PRDM6: variants seen among roughly 807,000 people sequenced by gnomAD.
The protein encoded by PRDM6 is putative histone-lysine N-methyltransferase PRDM6.
In PRDM6, 25 loss-of-function variants were observed where a neutral mutation model predicts 60.8. The ratio of observed to expected loss-of-function variants is 0.41; its 90% CI spans 0.30 to 0.57. The LOEUF (loss-of-function observed/expected upper bound fraction) is 0.57, where lower values mean the gene tolerates loss of function less well. Among genes scored for constraint, PRDM6 ranks in the 20% least tolerant of loss-of-function variants. The pLI, the probability that PRDM6 is intolerant of heterozygous loss-of-function variation, is 0.27. For synonymous variants in PRDM6, 407 were observed against 357.4 expected, an observed-to-expected ratio of 1.14 and a Z score of -1.57; for missense variants, 839 against 821.3, an observed-to-expected ratio of 1.02 and a Z score of -0.26.
intron 3 of PRDM6, among the ~76,000 whole-genome samples, chr5:123,101,354 T>C (rs1764099617): frequency 6.6e-6 from 1 of 152,154 alleles, no homozygotes; most frequent in Non-Finnish European, 1.5e-5. Context: ...AATGAGGACG[T>C]GGAAGCCAAT....
intron 3 of PRDM6, among the ~76,000 whole-genome samples, chr5:123,149,688 C>T (rs2126868034): frequency 6.6e-6 from 1 of 152,260 alleles, no homozygotes; most frequent in South Asian, 2.1e-4. Flanking sequence ...ACAGTATTTA[C>T]ATTCATATAC....
intron 3 of PRDM6, among the ~76,000 whole-genome samples, chr5:123,154,430 C>G (rs917426996): frequency 1.3e-5 from 2 of 151,932 alleles, no homozygotes; most frequent in East Asian, 1.9e-4. Context: ...TTGTTTTTAA[C>G]AGATTAATGT....
intron 2 of PRDM6, among the ~76,000 whole-genome samples, chr5:123,098,093 A>G (rs1434226310): frequency 6.6e-6 from 1 of 152,220 alleles, no homozygotes; most frequent in Non-Finnish European, 1.5e-5. Context: ...TCCTGACACA[A>G]ACGTTTCATA....
Position 123,187,427 on chromosome 5 carries a change from C to A in PRDM6, c.*226C>A, listed in dbSNP as rs1022329957. 2.8e-6 allele frequency: 1 copy of A among 359,286 alleles called. No individual in the cohort carries two copies. Among genetic ancestry groups the A allele is most frequent in the African/African-American group, 2.1e-5 (1 of 48,048 alleles). 22.3% of individuals were successfully genotyped at this position (359,286 alleles called of 1,614,324 possible). On this transcript the variant is annotated 3_prime_UTR_variant, in exon 8 of 8. Coordinates refer to ENST00000407847, the MANE Select transcript of PRDM6 (RefSeq NM_001136239.4). ...TAGGGATGAGACTTATTTCAGTGGA[C>A]AACTAACCTGGGATGGTTAACATTT... is the stretch of plus-strand genomic sequence containing the variant.
chr5:123,157,928 A>G (rs911749147), intron 4 of PRDM6, among the ~76,000 whole-genome samples: 2 of 152,258 alleles, frequency 1.3e-5, no homozygotes, highest in African/African-American at 4.8e-5. Flanking sequence ...GAGTCATCCA[A>G]CCACAATACT....
chr5:123,163,384 C>T (rs1199193903), intron 5 of PRDM6, among the ~76,000 whole-genome samples: 2 of 152,200 alleles, frequency 1.3e-5, no homozygotes, highest in African/African-American at 2.4e-5. Context: ...CGAGAGTGTG[C>T]GGTGGGTTTG....
At chr5:123,150,685 G>A (rs565726926) in intron 3 of PRDM6, among the ~76,000 whole-genome samples, 1 of 152,280 alleles carries the variant, frequency 6.6e-6, no homozygotes, top group African/African-American at 2.4e-5. Flanking sequence ...ATGGGGCTGT[G>A]TAAAGGCACT....
chr5:123,096,681 G>A (rs1440833352), intron 2 of PRDM6, among the ~76,000 whole-genome samples: 1 of 152,196 alleles, frequency 6.6e-6, no homozygotes, highest in African/African-American at 2.4e-5. Flanking sequence ...CTAACACACA[G>A]ATAGTCTTCT....
chr5:123,090,469 G>C lies in PRDM6; in HGVS notation c.455G>C (p.Gly152Ala). The change falls in exon 2 of 8, where the codon GGT becomes GCT. Residue 152 changes from glycine to alanine, a missense_variant. Gly to Ala is a moderately conservative substitution (Grantham distance 60). Around this residue, in one of 2 missense-constraint regions of PRDM6, gnomAD observed 730 missense variants for 648.8 expected, o/e 1.13. Transcript: ENST00000407847. ...GGCCCCGGGCCCGTCAAGTGCGGTG[G>C]TGGTGGCGGCGGCGGCGGGGAGGGT... The part of the protein sequence containing the change: ...TSGPGPVKCG[G>A]GGGGGGEGRG... 6.7e-7 allele frequency: 1 copy of C among 1,484,190 alleles called. No homozygotes were observed. Among genetic ancestry groups the C allele is most frequent in the Non-Finnish European group, 8.9e-7 (1 of 1,125,752 alleles). The allele number at this position is 1,484,190 out of a possible 1,614,324, so 91.9% of individuals were successfully genotyped here.
intron 5 of PRDM6, among the ~76,000 whole-genome samples, chr5:123,166,445 T>G (rs1483777354): frequency 7.2e-5 from 10 of 138,942 alleles, no homozygotes; most frequent in Admixed American, 4.4e-4. Flanking sequence ...AAATTTATGT[T>G]TTTGTTTTTT....
chr5:123,146,717 TGC>T (rs1159446951), intron 3 of PRDM6, among the ~76,000 whole-genome samples: 7 of 152,314 alleles, frequency 4.6e-5, no homozygotes, highest in Non-Finnish European at 7.4e-5. Flanking sequence ...GATTCTCTGA[TGC>T]CAAGGGCTGA....
chr5:123,154,855 A>G (rs1032687061), intron 3 of PRDM6, among the ~76,000 whole-genome samples: 2 of 152,206 alleles, frequency 1.3e-5, no homozygotes, highest in South Asian at 4.1e-4. Flanking sequence ...TCCTTCTGAG[A>G]ACCATACCCT....
intron 3 of PRDM6, among the ~76,000 whole-genome samples, chr5:123,134,865 T>C (rs907721058): frequency 6.6e-6 from 1 of 152,174 alleles, no homozygotes; most frequent in Non-Finnish European, 1.5e-5. Flanking sequence ...AAGACATCAG[T>C]GTTTTAAGAA....
intron 6 of PRDM6, among the ~76,000 whole-genome samples, chr5:123,179,469 G>T (rs1766093324): frequency 6.6e-6 from 1 of 152,222 alleles, no homozygotes; most frequent in Non-Finnish European, 1.5e-5. Flanking sequence ...ACACATCTGG[G>T]TGTACATCTG....
chr5:123,100,767 C>G (rs774326682), intron 3 of PRDM6, among the ~76,000 whole-genome samples: 4 of 152,192 alleles, frequency 2.6e-5, no homozygotes, highest in Admixed American at 6.5e-5. Context: ...AAATGTCAGC[C>G]TGAGGTTTCT....
rs1764098999 is a variant in PRDM6, at chr5:123,101,315, G to A, written c.900+1354G>A. Among the ~76,000 whole-genome samples the A allele has an allele frequency of 2.0e-5, 3 of 152,174 alleles. No individual in the cohort carries two copies. The South Asian group carries it at 6.2e-4, about 32-fold the overall frequency. ...CCTCTTTTGATGGAGGAGGAGCTGAGTGTATGAGTCTACAGCCCAGCAGCC... is the reference window on the plus strand; with the variant it reads ...CCTCTTTTGATGGAGGAGGAGCTGAATGTATGAGTCTACAGCCCAGCAGCC... On this transcript the variant is annotated intron_variant, in intron 3 of 7. Coordinates refer to ENST00000407847, the MANE Select transcript of PRDM6 (RefSeq NM_001136239.4).
intron 3 of PRDM6, among the ~76,000 whole-genome samples, 196 bp downstream of exon 3, chr5:123,100,157 T>C (rs1440477833): frequency 6.6e-6 from 1 of 152,220 alleles, no homozygotes; most frequent in East Asian, 1.9e-4. Flanking sequence ...GTAAGGAGGC[T>C]GACAGAGCTG....
rs1446636876 is a variant in PRDM6 at position 123,099,216 on chromosome 5, C to T, written c.593-438C>T. Among the ~76,000 whole-genome samples, 3 of 152,054 alleles carry T rather than the reference C, an allele frequency of 2.0e-5. No individual in the cohort carries two copies. Among genetic ancestry groups the T allele is most frequent in the Non-Finnish European group, 4.4e-5 (3 of 68,020 alleles). ...TTTCGCAATACAAGGATAAACACAT[C>T]CTGAAACTCCAGATAGAAACCTCAG... On this transcript the variant is annotated intron_variant, in intron 2 of 7. Coordinates refer to ENST00000407847, the MANE Select transcript of PRDM6 (RefSeq NM_001136239.4). The surrounding 1 kb of genome is among the most constrained non-coding windows in gnomAD (Gnocchi z 4.0).
chr5:123,138,060 G>A (rs1292144331), intron 3 of PRDM6, among the ~76,000 whole-genome samples: 1 of 151,940 alleles, frequency 6.6e-6, no homozygotes, highest in Non-Finnish European at 1.5e-5. Flanking sequence ...ATATAGGCCA[G>A]GATTATGTGA....
Sources: allele counts gnomAD v4.1 joint callset (sites outside exome capture counted in the v4.1 genomes callset), GRCh38; gene constraint gnomAD v4.1.1; regional missense constraint gnomAD v4.1.1; non-coding constraint Gnocchi (gnomAD v3.1); transcripts MANE v1.5; gene names NCBI Gene and HGNC (gene_info 2026-07-23, HGNC 2026-07-21).